The following TNS3 variants were observed in gnomAD, a reference collection of about 807,000 sequenced individuals.
TNS3 encodes tensin-3.
In TNS3, 45 loss-of-function variants were observed where a neutral mutation model predicts 140.9. The observed-to-expected ratio is 0.32, with a 90% CI of 0.25 to 0.41. The LOEUF is 0.41. Ranked by LOEUF, TNS3 falls within the 10% of genes least tolerant of loss-of-function variation. TNS3 has a pLI of 1.00. For synonymous variants in TNS3, 815 were observed against 788.4 expected, an observed-to-expected ratio of 1.03 and a Z score of -0.56; for missense variants, 1,716 against 1,906.7, an observed-to-expected ratio of 0.90 and a Z score of 1.86.
Position 47,508,130 on chromosome 7 carries a change from C to T in TNS3, c.-152-1186G>A, listed in dbSNP as rs190217673. 1.5e-3 allele frequency among the ~76,000 whole-genome samples: 222 copies of T among 152,314 alleles called. 1 individual carries two copies. The highest frequency in any genetic ancestry group is 3.1e-4 in the Non-Finnish European group (21 of 68,030). On this transcript the variant is annotated intron_variant, in intron 2 of 30. Coordinates refer to ENST00000311160, the MANE Select transcript of TNS3 (RefSeq NM_022748.12). ...TGAATTTAATCAATGTCTCACTCCC[C>T]CTCCTGCACTCTGTTTTCTATGATG...
intron 21 of TNS3, among the ~76,000 whole-genome samples, chr7:47,304,418 A>C (rs1328273553): frequency 1.3e-5 from 2 of 152,216 alleles, no homozygotes; most frequent in East Asian, 3.8e-4. Flanking sequence ...GTGTTCATAC[A>C]ACAAAGCATA....
At chr7:47,299,536 CT>C (rs1171524261) in intron 23 of TNS3, among the ~76,000 whole-genome samples, 1 of 152,166 alleles carries the variant, frequency 6.6e-6, no homozygotes, top group East Asian at 1.9e-4. Flanking sequence ...AGTCATGGTT[CT>C]ACTTCTCTGT....
chr7:47,452,994 T>A, intron 4 of TNS3: 1 of 985,502 alleles, frequency 1.0e-6, no homozygotes, highest in Non-Finnish European at 1.2e-6. Context: ...AAACAGCTCC[T>A]CCTACGTTTC....
At chr7:47,474,601 C>T (rs1054383459) in intron 4 of TNS3, among the ~76,000 whole-genome samples, 41 of 150,224 alleles carry the variant, frequency 2.7e-4, no homozygotes, top group African/African-American at 9.1e-4. Context: ...ACACACCTCA[C>T]ACACAAAACA....
intron 24 of TNS3, among the ~76,000 whole-genome samples, chr7:47,294,745 G>A (rs1330631261): frequency 6.6e-6 from 1 of 152,240 alleles, no homozygotes; most frequent in African/African-American, 2.4e-5. Context: ...CACAAGGGCA[G>A]TAAAGCTTGC....
chr7:47,343,959 A>C (rs1199178269), intron 20 of TNS3, among the ~76,000 whole-genome samples: 1 of 152,224 alleles, frequency 6.6e-6, no homozygotes, highest in East Asian at 1.9e-4. Context: ...CTCCTGGGTA[A>C]GGGGTAGATG....
Position 47,337,795 on chromosome 7 carries a change from C to A in TNS3, c.2650+6960G>T, listed in dbSNP as rs559516379. ...GAGAACGGCTCCTGGCCTGGCTCCA[C>A]CTTCCCGACCTCTTACTCCACCACT... On this transcript the variant is annotated intron_variant, in intron 20 of 30. Coordinates refer to ENST00000311160, the MANE Select transcript of TNS3 (RefSeq NM_022748.12). 4.6e-5 allele frequency among the ~76,000 whole-genome samples: 7 copies of A among 152,316 alleles called. No individual in the cohort carries two copies. In the East Asian group the frequency reaches 1.4e-3, roughly 29 times the overall value.
intron 1 of TNS3, among the ~76,000 whole-genome samples, chr7:47,541,429 C>A (rs1274493278): frequency 6.6e-6 from 1 of 152,132 alleles, no homozygotes; most frequent in African/African-American, 2.4e-5. Context: ...GCTCCAATAC[C>A]AACAGTCACC....
chr7:47,510,338 T>C (rs879828382), intron 2 of TNS3, among the ~76,000 whole-genome samples: 2 of 152,174 alleles, frequency 1.3e-5, no homozygotes, highest in Non-Finnish European at 2.9e-5. Flanking sequence ...ACAAAACGTA[T>C]GTGTTCACTT....
chr7:47,466,044 G>A (rs1796699571), intron 4 of TNS3, among the ~76,000 whole-genome samples: 1 of 152,102 alleles, frequency 6.6e-6, no homozygotes, highest in Non-Finnish European at 1.5e-5. Flanking sequence ...TCTAATTCAT[G>A]TTCAAATTTC....
At position 47,542,542 on chromosome 7, in the gene TNS3, G is replaced by A. The variant is rs74708975; in HGVS notation, c.-264-13395C>T. Among the ~76,000 whole-genome samples the A allele has an allele frequency of 5.4e-3, 820 of 152,272 alleles. 9 individuals carry two copies. Among genetic ancestry groups the A allele is most frequent in the African/African-American group, 0.018 (763 of 41,548 alleles). ...GCTCTCCTCTACCCACTACATGCCC[G>A]TCGACACGAAATCTGACATGGCCAG... is the stretch of plus-strand genomic sequence containing the variant. On this transcript the variant is annotated intron_variant, in intron 1 of 30. Transcript: ENST00000311160.
At position 47,369,584 on chromosome 7, in the gene TNS3, G is replaced by A. The variant is rs781615106; in HGVS notation, c.1062C>T (p.Tyr354=). ...AGGAGCTTTTCTTCCTCACCTTCGC[G>A]TAAAGGCTGCCATCGACAGGGCCCT... ...HTQGPVDGSL[Y]AKVRKKSSSD... is the part of the protein sequence containing the mutation. Residue 354 remains tyrosine (Y), a synonymous_variant, in exon 17 of 31, where the codon TAC becomes TAT. Transcript: ENST00000311160. 42 of 1,603,042 alleles carry A rather than the reference G, an allele frequency of 2.6e-5. No individual in the cohort carries two copies. The highest frequency in any genetic ancestry group is 1.8e-4 in the East Asian group (8 of 44,736).
intron 20 of TNS3, among the ~76,000 whole-genome samples, chr7:47,318,435 C>T (rs1289911684): frequency 2.0e-5 from 3 of 152,170 alleles, no homozygotes; most frequent in East Asian, 1.9e-4. Context: ...TTACTTGCAA[C>T]AGGAAACAGA....
At chr7:47,414,997 G>T (rs750681704) in intron 11 of TNS3, 97 bp downstream of exon 11, 2 of 886,104 alleles carry the variant, frequency 2.3e-6, no homozygotes, top group Non-Finnish European at 3.5e-6. Flanking sequence ...GGGCCCTCTC[G>T]GAAGGAAAGC....
At chr7:47,540,743 C>G (rs145781573) in intron 1 of TNS3, among the ~76,000 whole-genome samples, 55 of 152,276 alleles carry the variant, frequency 3.6e-4, no homozygotes, top group African/African-American at 1.3e-3. Flanking sequence ...TGAGGAGAGG[C>G]AAGGGTGGTA....
intron 16 of TNS3, among the ~76,000 whole-genome samples, chr7:47,371,507 C>T (rs1791070246): frequency 6.6e-6 from 1 of 152,136 alleles, no homozygotes; most frequent in Non-Finnish European, 1.5e-5. Flanking sequence ...CCAGAGAGCA[C>T]CAGGAGGGCA....
chr7:47,511,649 G>T (rs1798611446), intron 2 of TNS3, among the ~76,000 whole-genome samples: 1 of 151,888 alleles, frequency 6.6e-6, no homozygotes, highest in Non-Finnish European at 1.5e-5. Flanking sequence ...GAGGCTCTCA[G>T]AATGGGGTAA....
chr7:47,421,088 G>T (rs1334385880), intron 10 of TNS3, among the ~76,000 whole-genome samples: 1 of 152,116 alleles, frequency 6.6e-6, no homozygotes, highest in Non-Finnish European at 1.5e-5. Flanking sequence ...GCTCCCCAAA[G>T]AAACAACTGG....
intron 1 of TNS3, among the ~76,000 whole-genome samples, chr7:47,541,519 G>A (rs1191294687): frequency 6.6e-6 from 1 of 152,152 alleles, no homozygotes; most frequent in East Asian, 1.9e-4. Context: ...TTAACAAAAA[G>A]ACACAGGGGC....
Sources: gnomAD v4.1 joint callset for allele counts (sites outside exome capture counted in the v4.1 genomes callset) on GRCh38, gnomAD v4.1.1 for gene constraint, MANE v1.5 for transcripts, NCBI Gene and HGNC (gene_info 2026-07-23, HGNC 2026-07-21) for gene names.